RBFOX1: variants seen among roughly 807,000 people sequenced by gnomAD.
RBFOX1 encodes RNA binding protein fox-1 homolog 1.
Under a neutral mutation model 57.7 loss-of-function variants are expected in RBFOX1, and 8 were observed. The observed-to-expected ratio is 0.14, with a 90% CI of 0.08 to 0.25. RBFOX1 has a LOEUF of 0.25. Ranked by LOEUF, RBFOX1 falls within the 10% of genes least tolerant of loss-of-function variation. The probability of loss-of-function intolerance (pLI) is 1.00; values close to 1 mark genes in which losing one functional copy is unlikely to be tolerated. For missense variants in RBFOX1, 611 were observed against 548.5 expected (o/e 1.11, Z -1.14); for synonymous variants, 326 against 222.4 (o/e 1.47, Z -4.15).
At chr16:6,480,600 AGT>A (rs1162876666) in intron 2 of RBFOX1, among the ~76,000 whole-genome samples, 1 of 152,250 alleles carries the variant, frequency 6.6e-6, no homozygotes, top group Admixed American at 6.5e-5. Flanking sequence ...CTTGGGCTGT[AGT>A]TGGCTATCTT....
Position 5,453,799 on chromosome 16 carries a change from T to G in RBFOX1, c.220-13417T>G, listed in dbSNP as rs140213943. Among the ~76,000 whole-genome samples, 278 of 152,310 alleles carry G rather than the reference T, an allele frequency of 1.8e-3. 3 individuals carry two copies. The highest frequency in any genetic ancestry group is 0.016 in the East Asian group (82 of 5,184). On this transcript the variant is annotated intron_variant, in intron 1 of 2. Transcript: ENST00000585867. ...AAAATATAATTGATATCCTGACTACTTACGTACGAGGGTGACAGTGCTAGG... is the reference window on the plus strand; with the variant it reads ...AAAATATAATTGATATCCTGACTACGTACGTACGAGGGTGACAGTGCTAGG...
intron 3 of RBFOX1, among the ~76,000 whole-genome samples, chr16:5,694,280 A>G (rs2050782593): frequency 6.6e-6 from 1 of 152,224 alleles, no homozygotes; most frequent in Admixed American, 6.5e-5. Flanking sequence ...CTTCATCTTG[A>G]CACACTGCTA....
At chr16:5,419,755 C>G (rs1040478387) in intron 1 of RBFOX1, among the ~76,000 whole-genome samples, 2 of 151,960 alleles carry the variant, frequency 1.3e-5, no homozygotes, top group Non-Finnish European at 2.9e-5. Flanking sequence ...AGGGCTTTCT[C>G]TGGCTGCCAG....
chr16:5,981,336 C>T (rs1269476616), intron 4 of RBFOX1, among the ~76,000 whole-genome samples: 4 of 152,180 alleles, frequency 2.6e-5, no homozygotes. Context: ...GACACAGGTT[C>T]TGTGGGTCTG....
chr16:7,427,909 C>T (rs931841836), intron 4 of RBFOX1, among the ~76,000 whole-genome samples: 1 of 152,174 alleles, frequency 6.6e-6, no homozygotes, highest in Admixed American at 6.5e-5. Flanking sequence ...CTGCCTTGGC[C>T]TCCTAAAGTG....
intron 3 of RBFOX1, among the ~76,000 whole-genome samples, chr16:6,684,204 A>C (rs2059092399): frequency 6.6e-6 from 1 of 152,180 alleles, no homozygotes; most frequent in African/African-American, 2.4e-5. Flanking sequence ...AATGTTTATT[A>C]GTTTCTTATG....
chr16:6,491,830 C>T (rs1040183495), intron 2 of RBFOX1, among the ~76,000 whole-genome samples: 1 of 151,902 alleles, frequency 6.6e-6, no homozygotes, highest in Non-Finnish European at 1.5e-5. Context: ...TTTTTTTGGC[C>T]CAAAGCTATA....
intron 4 of RBFOX1, among the ~76,000 whole-genome samples, chr16:7,140,940 A>C (rs1206576802): frequency 1.3e-5 from 2 of 152,166 alleles, no homozygotes; most frequent in Non-Finnish European, 2.9e-5. Context: ...TAAGTGTCTC[A>C]GAGCCTAACG....
intron 2 of RBFOX1, among the ~76,000 whole-genome samples, chr16:6,402,951 A>G (rs897148681): frequency 6.6e-6 from 1 of 152,180 alleles, no homozygotes; most frequent in Non-Finnish European, 1.5e-5. Flanking sequence ...GTGGATTAAT[A>G]CATCACATTT....
At chr16:6,506,722 A>G (rs1479429637) in intron 2 of RBFOX1, among the ~76,000 whole-genome samples, 1 of 128,656 alleles carries the variant, frequency 7.8e-6, no homozygotes, top group African/African-American at 3.0e-5. Flanking sequence ...ATCTTGGCTT[A>G]CCGCAACTTC....
At chr16:7,004,738 A>G (rs1166140924) in intron 3 of RBFOX1, among the ~76,000 whole-genome samples, 3 of 152,216 alleles carry the variant, frequency 2.0e-5, no homozygotes, top group Non-Finnish European at 4.4e-5. Flanking sequence ...TCAAGAAAGG[A>G]GAAGTAGCTG....
intron 5 of RBFOX1, among the ~76,000 whole-genome samples, chr16:7,527,036 A>G (rs1037255146): frequency 6.6e-6 from 1 of 152,216 alleles, no homozygotes; most frequent in African/African-American, 2.4e-5. Flanking sequence ...CCTGTGCAAC[A>G]TTACAGACTT....
intron 3 of RBFOX1, among the ~76,000 whole-genome samples, chr16:6,796,919 C>G (rs2084197469): frequency 6.6e-6 from 1 of 152,104 alleles, no homozygotes; most frequent in Non-Finnish European, 1.5e-5. Flanking sequence ...CCCTTTCTTC[C>G]ACATCTCAAA....
rs117415389 is a variant in RBFOX1 at position 7,577,843 on chromosome 16, C to T, written c.271-1934C>T. ...CCAGGATTTCAAGGCTTCAGTGAGC[C>T]GTGATTGTGCCATGGCATTCCAGCC... On this transcript the variant is annotated intron_variant, in intron 5 of 15. Coordinates refer to ENST00000550418, the MANE Select transcript of RBFOX1 (RefSeq NM_018723.4). Among the ~76,000 whole-genome samples the T allele has an allele frequency of 3.9e-3, 591 of 152,284 alleles. 16 individuals are homozygous for T. In the East Asian group the frequency reaches 0.074, roughly 19 times the overall value.
intron 2 of RBFOX1, among the ~76,000 whole-genome samples, chr16:5,529,498 G>A (rs1447377032): frequency 6.0e-5 from 9 of 150,660 alleles, no homozygotes; most frequent in African/African-American, 2.2e-4. Context: ...CTAGGTTCAA[G>A]CAATTCTCCT....
intron 3 of RBFOX1, among the ~76,000 whole-genome samples, chr16:6,662,611 A>G (rs560882862): frequency 6.6e-6 from 1 of 152,228 alleles, no homozygotes; most frequent in East Asian, 1.9e-4. Flanking sequence ...ACTATTTCTC[A>G]GACCTTGAGA....
chr16:5,469,408 C>T (rs975063321), intron 2 of RBFOX1, among the ~76,000 whole-genome samples: 3 of 152,178 alleles, frequency 2.0e-5, no homozygotes, highest in Admixed American at 6.5e-5. Context: ...TATAACATGC[C>T]AGGGATTATC....
chr16:6,013,026 A>G (rs527311496), intron 4 of RBFOX1, among the ~76,000 whole-genome samples: 16 of 152,200 alleles, frequency 1.1e-4, no homozygotes, highest in Non-Finnish European at 2.2e-4. Flanking sequence ...TTGTATTAAT[A>G]GTAACTATTA....
In RBFOX1 at chr16:7,216,390, C is replaced by G. The variant is rs149508360; in HGVS notation, c.27+164292C>G. ...CTACCCTAGACCGGGCGCAGTGGCT[C>G]ATGCCTGTAATCCCAGCACTTTGGG... On this transcript the variant is annotated intron_variant, in intron 4 of 15. Transcript: ENST00000550418. Among the ~76,000 whole-genome samples the G allele has an allele frequency of 4.8e-3, 736 of 152,210 alleles. 10 individuals carry two copies. Among genetic ancestry groups the G allele is most frequent in the African/African-American group, 0.017 (696 of 41,556 alleles).
Sources: gnomAD v4.1 joint callset for allele counts (sites outside exome capture counted in the v4.1 genomes callset) on GRCh38, gnomAD v4.1.1 for gene constraint, MANE v1.5 for transcripts, NCBI Gene and HGNC (gene_info 2026-07-23, HGNC 2026-07-21) for gene names.